The following ARHGAP42 variants were observed in gnomAD, a reference collection of about 807,000 sequenced individuals.
The protein encoded by ARHGAP42 is Rho GTPase activating protein 42.
Under a neutral mutation model 125.0 loss-of-function variants are expected in ARHGAP42, and 63 were observed. The ratio of observed to expected loss-of-function variants is 0.50; its 90% CI spans 0.41 to 0.62. The LOEUF (loss-of-function observed/expected upper bound fraction) is 0.62. Ranked by LOEUF, ARHGAP42 falls within the 20% of genes least tolerant of loss-of-function variation. ARHGAP42 has a pLI of 0.00. For missense variants in ARHGAP42, 766 were observed against 1,024.2 expected (o/e 0.75, Z 3.44); for synonymous variants, 339 against 351.0 (o/e 0.97, Z 0.38).
intron 3 of ARHGAP42, among the ~76,000 whole-genome samples, chr11:100,800,620 C>T (rs993098069): frequency 6.6e-6 from 1 of 152,136 alleles, no homozygotes; most frequent in Non-Finnish European, 1.5e-5. Flanking sequence ...CCACCCATTT[C>T]TTAGTGTTTC....
intron 4 of ARHGAP42, among the ~76,000 whole-genome samples, chr11:100,869,694 A>G (rs1337949425): frequency 2.0e-5 from 3 of 152,270 alleles, no homozygotes; most frequent in Non-Finnish European, 4.4e-5. Context: ...ATTCAAATCA[A>G]TACATGTATA....
chr11:100,788,671 A>G (rs1247164584), intron 2 of ARHGAP42, among the ~76,000 whole-genome samples: 3 of 152,194 alleles, frequency 2.0e-5, no homozygotes, highest in Admixed American at 6.5e-5. Context: ...TGGATGGCCT[A>G]TCAGTGAGGG....
chr11:100,978,913 A>T, intron 21 of ARHGAP42, 74 bp from the exon 22 acceptor site: 6 of 1,438,544 alleles, frequency 4.2e-6, no homozygotes. Flanking sequence ...TTTAACTGGC[A>T]ATCATGAATT....
At chr11:100,837,629 G>GAAATTCAC (rs1428418679) in intron 3 of ARHGAP42, among the ~76,000 whole-genome samples, 1 of 141,952 alleles carries the variant, frequency 7.0e-6, no homozygotes, top group African/African-American at 2.7e-5. Flanking sequence ...GGTTTTCCCG[G>GAAATTCAC]AAATTCACAG....
At chr11:100,948,592 A>C in intron 11 of ARHGAP42, 57 bp downstream of exon 11, 1 of 1,326,200 alleles carries the variant, frequency 7.5e-7, no homozygotes, top group Non-Finnish European at 1.0e-6. Flanking sequence ...ATTATAATGT[A>C]TGGAAATTCT....
intron 1 of ARHGAP42, among the ~76,000 whole-genome samples, chr11:100,755,003 G>A (rs1862540078): frequency 6.6e-6 from 1 of 152,200 alleles, no homozygotes. Context: ...TGGAAAACTA[G>A]CTAAGTGCCT....
intron 1 of ARHGAP42, among the ~76,000 whole-genome samples, chr11:100,720,017 C>T (rs751923381): frequency 1.3e-5 from 2 of 152,194 alleles, no homozygotes; most frequent in African/African-American, 4.8e-5. Flanking sequence ...GATCTGGCAC[C>T]GTAGTCAACA....
intron 1 of ARHGAP42, among the ~76,000 whole-genome samples, chr11:100,747,421 G>A (rs1205056797): frequency 1.3e-5 from 2 of 152,138 alleles, no homozygotes. Context: ...AATTTTTAAT[G>A]TCTGACCATA....
At chr11:100,876,804 T>C (rs1865833019) in intron 4 of ARHGAP42, among the ~76,000 whole-genome samples, 1 of 152,246 alleles carries the variant, frequency 6.6e-6, no homozygotes, top group Non-Finnish European at 1.5e-5. Flanking sequence ...TTTCACTTAA[T>C]ACAGCTTCTT....
intron 3 of ARHGAP42, among the ~76,000 whole-genome samples, chr11:100,854,596 C>T (rs937854476): frequency 2.0e-5 from 3 of 152,054 alleles, no homozygotes; most frequent in African/African-American, 7.2e-5. Context: ...AAGACGTGCT[C>T]GTGTATCCAT....
intron 3 of ARHGAP42, among the ~76,000 whole-genome samples, chr11:100,852,688 T>C (rs1865232376): frequency 6.6e-6 from 1 of 152,044 alleles, no homozygotes; most frequent in South Asian, 2.1e-4. Context: ...ATTTTTGAGG[T>C]GGGAGAATGG....
intron 5 of ARHGAP42, 138 bp from the exon 6 acceptor site, chr11:100,921,356 C>G (rs1867263104): frequency 1.8e-6 from 1 of 570,076 alleles, no homozygotes; most frequent in Non-Finnish European, 3.0e-6. Context: ...ACACTATAAG[C>G]TCCTGTAGGC....
intron 1 of ARHGAP42, among the ~76,000 whole-genome samples, chr11:100,739,770 C>T (rs1479006411): frequency 6.6e-6 from 1 of 152,118 alleles, no homozygotes; most frequent in Non-Finnish European, 1.5e-5. Context: ...GTGAGCATAA[C>T]TTCTTTTCCC....
intron 4 of ARHGAP42, among the ~76,000 whole-genome samples, chr11:100,865,098 A>G (rs1865537796): frequency 6.6e-6 from 1 of 152,196 alleles, no homozygotes; most frequent in Non-Finnish European, 1.5e-5. Flanking sequence ...TCATTTTATA[A>G]TAGAGCTTGA....
intron 8 of ARHGAP42, among the ~76,000 whole-genome samples, chr11:100,939,676 T>C (rs1379180473): frequency 1.3e-5 from 2 of 152,214 alleles, no homozygotes; most frequent in East Asian, 3.9e-4. Context: ...AAACATCTTT[T>C]ATTTTGCAAC....
intron 3 of ARHGAP42, among the ~76,000 whole-genome samples, chr11:100,853,793 A>T (rs1223875331): frequency 6.6e-6 from 1 of 152,056 alleles, no homozygotes. Context: ...AGTAGAGAGG[A>T]TTGCTTGCCA....
At chr11:100,908,647 G>T (rs1318221767) in intron 4 of ARHGAP42, among the ~76,000 whole-genome samples, 1 of 152,146 alleles carries the variant, frequency 6.6e-6, no homozygotes, top group Non-Finnish European at 1.5e-5. Flanking sequence ...GTTATCCATT[G>T]ATGGACACTT....
At chr11:100,695,124 G>A (rs755255863) in intron 1 of ARHGAP42, among the ~76,000 whole-genome samples, 26 of 152,230 alleles carry the variant, frequency 1.7e-4, no homozygotes, top group Admixed American at 2.6e-4. Flanking sequence ...CATATTCTGA[G>A]TTATAATGGC....
chr11:100,973,405 C>A, intron 18 of ARHGAP42, 71 bp downstream of exon 18: 1 of 1,456,240 alleles, frequency 6.9e-7, no homozygotes, highest in Non-Finnish European at 9.3e-7. Context: ...TGCATTTGAT[C>A]TGTGAGCTCA....
Sources: gnomAD v4.1 joint callset for allele counts (sites outside exome capture counted in the v4.1 genomes callset) on GRCh38, gnomAD v4.1.1 for gene constraint, MANE v1.5 for transcripts, NCBI Gene and HGNC (gene_info 2026-07-23, HGNC 2026-07-21) for gene names.